MYT1L: variants seen among roughly 807,000 people sequenced by gnomAD.
The protein encoded by MYT1L is myelin transcription factor 1 like.
MYT1L carries 12 observed loss-of-function variants against 126.7 expected under a neutral mutation model. That is an observed-to-expected ratio of 0.09 (90% CI 0.06 to 0.15). MYT1L has a LOEUF of 0.15. MYT1L is among the 10% of genes least tolerant of loss of function. The pLI is 1.00. For missense variants in MYT1L, 979 were observed against 1,585.2 expected (o/e 0.62, Z 6.49); for synonymous variants, 541 against 604.2 (o/e 0.90, Z 1.53).
At chr2:2,114,844 G>A (rs964289522) in intron 3 of MYT1L, among the ~76,000 whole-genome samples, 7 of 152,126 alleles carry the variant, frequency 4.6e-5, no homozygotes, top group Admixed American at 3.9e-4. Flanking sequence ...TCAGGTTTCC[G>A]TCATCACGTG....
Position 1,811,045 on chromosome 2 carries a change from C to T in MYT1L, c.3081-1878G>A, listed in dbSNP as rs1048529511. ...CCTTATAACAGGGACCCAGACAGCT[C>T]CTTAACCCCTTCTCCCATGTGAGGA... is the stretch of plus-strand genomic sequence containing the variant. On this transcript the variant is annotated intron_variant, in intron 21 of 24. Transcript: ENST00000647738. The surrounding 1 kb of genome is among the most constrained non-coding windows in gnomAD (Gnocchi z 4.4). The T allele has an allele frequency of 2.0e-5, 3 of 152,080 alleles. No homozygotes were observed. The highest frequency in any genetic ancestry group is 2.1e-4 in the South Asian group (1 of 4,814). 9.4% of individuals were successfully genotyped at this position (152,080 alleles called of 1,614,324 possible).
chr2:1,889,915 T>C lies in MYT1L; in HGVS notation c.2284-438A>G, dbSNP rs1344664038. On this transcript the variant is annotated intron_variant, in intron 15 of 24. Coordinates refer to ENST00000647738, the MANE Select transcript of MYT1L (RefSeq NM_001303052.2). This position sits in a 1 kb window ranked among gnomAD's most constrained non-coding sequence, Gnocchi z 4.1. ...ATGCATGTGTGCATATACATGTATGTGCATGTGTGTGTGTGTATAAACACA... is the reference window on the plus strand; with the variant it reads ...ATGCATGTGTGCATATACATGTATGCGCATGTGTGTGTGTGTATAAACACA... 6.6e-6 allele frequency among the ~76,000 whole-genome samples: 1 copy of C among 152,208 alleles called. No homozygotes were observed. The highest frequency in any genetic ancestry group is 1.9e-4 in the East Asian group (1 of 5,198).
At position 1,934,307 on chromosome 2, in the gene MYT1L, T is replaced by TATATATATATATATATACAC. The variant is rs71276816; in HGVS notation, c.505+8674_505+8675insGTGTATATATATATATATAT. On this transcript the variant is annotated intron_variant, in intron 9 of 24. Transcript: ENST00000647738. ...TTTTTATAACATATATATATATATA[T>TATATATATATATATATACAC]ACAACCTCATATATGTAATTTATAG... 1.1e-3 allele frequency among the ~76,000 whole-genome samples: 143 copies of TATATATATATATATATACAC among 132,172 alleles called. 2 individuals carry two copies. The highest frequency in any genetic ancestry group is 1.7e-3 in the Non-Finnish European group (104 of 60,038). 86.7% of individuals were successfully genotyped at this position (132,172 alleles called of 152,430 possible).
At chr2:2,242,763 A>G (rs185408889) in intron 2 of MYT1L, among the ~76,000 whole-genome samples, 1 of 152,314 alleles carries the variant, frequency 6.6e-6, no homozygotes. Context: ...GTGGGCATAC[A>G]CCTAAATCAC....
chr2:2,254,934 TA>T (rs1457590525), intron 2 of MYT1L, among the ~76,000 whole-genome samples: 1 of 152,224 alleles, frequency 6.6e-6, no homozygotes, highest in Non-Finnish European at 1.5e-5. Flanking sequence ...TCGACTTCTA[TA>T]ATATACATGT....
At chr2:2,003,527 A>G (rs887125364) in intron 4 of MYT1L, among the ~76,000 whole-genome samples, 10 of 152,166 alleles carry the variant, frequency 6.6e-5, no homozygotes, top group Admixed American at 6.5e-4. Context: ...CTGATGGACC[A>G]TGGCCTGTGG....
intron 3 of MYT1L, among the ~76,000 whole-genome samples, chr2:2,055,682 T>C (rs977119636): frequency 1.3e-5 from 2 of 152,330 alleles, no homozygotes; most frequent in Admixed American, 6.5e-5. Context: ...AAACAAGTGA[T>C]TGAGAAATAG....
intron 2 of MYT1L, among the ~76,000 whole-genome samples, chr2:2,266,590 G>A (rs1024985633): frequency 6.6e-6 from 1 of 152,112 alleles, no homozygotes; most frequent in Non-Finnish European, 1.5e-5. Flanking sequence ...ACAGGAGCAG[G>A]GAGTGGGCCA....
chr2:2,250,184 G>A (rs1157998507), intron 2 of MYT1L, among the ~76,000 whole-genome samples: 1 of 152,128 alleles, frequency 6.6e-6, no homozygotes, highest in Non-Finnish European at 1.5e-5. Flanking sequence ...TACACTTAAA[G>A]GAAATCAGGT....
intron 3 of MYT1L, among the ~76,000 whole-genome samples, chr2:2,119,294 CTACA>C (rs1449805692): frequency 5.9e-5 from 9 of 152,062 alleles, no homozygotes; most frequent in Non-Finnish European, 7.4e-5. Flanking sequence ...GTGCTTTTAC[CTACA>C]TAAATAGGCA....
chr2:2,176,053 C>T (rs79385536), intron 2 of MYT1L, among the ~76,000 whole-genome samples: 3,898 of 152,304 alleles, frequency 0.026, 75 homozygotes, highest in Non-Finnish European at 0.034. Context: ...CACTGCGTTG[C>T]TCACAGCCTT....
chr2:2,252,536 A>C (rs1484103696), intron 2 of MYT1L, among the ~76,000 whole-genome samples: 1 of 152,226 alleles, frequency 6.6e-6, no homozygotes, highest in Non-Finnish European at 1.5e-5. Flanking sequence ...TCTTGCATAC[A>C]GCAGAATTCT....
intron 4 of MYT1L, among the ~76,000 whole-genome samples, chr2:2,031,770 A>G (rs1381784608): frequency 2.1e-5 from 3 of 140,438 alleles, no homozygotes; most frequent in African/African-American, 5.5e-5. Context: ...AGGGCCTTAT[A>G]CACACCCCTC....
At chr2:2,015,974 CA>C (rs1388363714) in intron 4 of MYT1L, among the ~76,000 whole-genome samples, 1 of 152,182 alleles carries the variant, frequency 6.6e-6, no homozygotes, top group Admixed American at 6.5e-5. Flanking sequence ...AGGAAAGCTT[CA>C]CAAAAAGTTA....
chr2:2,298,921 C>T (rs998554143), intron 1 of MYT1L, among the ~76,000 whole-genome samples: 1 of 152,160 alleles, frequency 6.6e-6, no homozygotes, highest in African/African-American at 2.4e-5. Flanking sequence ...GGCACGATCT[C>T]GGCTCACTGC....
At chr2:2,288,175 C>T (rs1231325261) in intron 1 of MYT1L, among the ~76,000 whole-genome samples, 1 of 152,126 alleles carries the variant, frequency 6.6e-6, no homozygotes, top group Non-Finnish European at 1.5e-5. Context: ...TCCTCACGAC[C>T]AGGTAGATAC....
chr2:2,004,314 C>G (rs868791214), intron 4 of MYT1L, among the ~76,000 whole-genome samples: 44 of 144,788 alleles, frequency 3.0e-4, no homozygotes, highest in Non-Finnish European at 4.7e-4. Flanking sequence ...TGCGTTCTTT[C>G]CTGCAGGCGT....
intron 3 of MYT1L, among the ~76,000 whole-genome samples, chr2:2,117,457 G>T (rs1237128989): frequency 6.6e-6 from 1 of 152,102 alleles, no homozygotes; most frequent in Non-Finnish European, 1.5e-5. Context: ...TGGATCAGCA[G>T]GCGGACCGCC....
intron 18 of MYT1L, among the ~76,000 whole-genome samples, chr2:1,874,494 G>A (rs554843025): frequency 2.8e-4 from 42 of 152,300 alleles, no homozygotes; most frequent in African/African-American, 8.4e-4. Context: ...GGGGAGGGCC[G>A]TGGACGGGCC....
Sources: allele counts gnomAD v4.1 joint callset (sites outside exome capture counted in the v4.1 genomes callset), GRCh38; gene constraint gnomAD v4.1.1; non-coding constraint Gnocchi (gnomAD v3.1); transcripts MANE v1.5; gene names NCBI Gene and HGNC (gene_info 2026-07-23, HGNC 2026-07-21).